The following UNC13C variants were observed in gnomAD, a reference collection of about 807,000 sequenced individuals.
The protein encoded by UNC13C is protein unc-13 homolog C.
Under a neutral mutation model 245.4 loss-of-function variants are expected in UNC13C, and 174 were observed. That is an observed-to-expected ratio of 0.71 (90% CI 0.63 to 0.80). The LOEUF (loss-of-function observed/expected upper bound fraction) is 0.80. UNC13C is among the 30% of genes least tolerant of loss of function. The probability of loss-of-function intolerance (pLI) is 0.00; values close to 1 mark genes in which losing one functional copy is unlikely to be tolerated. For synonymous variants in UNC13C, 992 were observed against 895.1 expected (o/e 1.11, Z -1.93); for missense variants, 2,829 against 2,602.9 (o/e 1.09, Z -1.89).
chr15:54,108,902 T>A (rs1044154801), intron 2 of UNC13C, among the ~76,000 whole-genome samples: 3 of 152,208 alleles, frequency 2.0e-5, no homozygotes, highest in African/African-American at 7.2e-5. Flanking sequence ...GAAGCATTCC[T>A]TGTAGTTGTT....
At chr15:54,367,186 C>A (rs986634555) in intron 17 of UNC13C, among the ~76,000 whole-genome samples, 4 of 152,082 alleles carry the variant, frequency 2.6e-5, no homozygotes, top group African/African-American at 9.7e-5. Flanking sequence ...AATATGCCAA[C>A]CCCTACACAC....
At chr15:54,099,513 T>C (rs1383693632) in intron 2 of UNC13C, among the ~76,000 whole-genome samples, 1 of 152,166 alleles carries the variant, frequency 6.6e-6, no homozygotes, top group Non-Finnish European at 1.5e-5. Context: ...TTAATTATCT[T>C]TTCCTTTTTC....
At chr15:54,423,513 A>T (rs185318178) in intron 19 of UNC13C, among the ~76,000 whole-genome samples, 4 of 151,954 alleles carry the variant, frequency 2.6e-5, no homozygotes, top group African/African-American at 7.2e-5. Flanking sequence ...AAATATACAT[A>T]AAAAATGTTA....
the UNC13C span, among the ~76,000 whole-genome samples, chr15:53,873,911 CCTTCCTTCCTTTCTTCCTTCCTT>C: frequency 1.4e-4 from 3 of 21,348 alleles, no homozygotes; most frequent in Admixed American, 5.0e-4. Context: ...TTCCTTCCTT[CCTTCCTTCCTTTCTTCCTTCCTT>C]CCTTCCTTCC....
chr15:54,606,306 G>A (rs1380377599), intron 30 of UNC13C, among the ~76,000 whole-genome samples: 2 of 152,174 alleles, frequency 1.3e-5, no homozygotes, highest in Non-Finnish European at 2.9e-5. Flanking sequence ...ACTTTGCAAA[G>A]CTTTGCAAGA....
chr15:54,525,673 A>C (rs1212056726), intron 25 of UNC13C, 36 bp downstream of exon 25: 1 of 1,534,878 alleles, frequency 6.5e-7, no homozygotes, highest in Non-Finnish European at 8.9e-7. Flanking sequence ...TAAATTAGAT[A>C]ATTAGGTGTC....
At chr15:54,449,365 A>C (rs1395806563) in intron 19 of UNC13C, among the ~76,000 whole-genome samples, 2 of 152,164 alleles carry the variant, frequency 1.3e-5, no homozygotes, top group Non-Finnish European at 1.5e-5. Context: ...TATCCTGCAC[A>C]GTGTTTTCCA....
At chr15:54,101,418 T>C (rs1180630697) in intron 2 of UNC13C, among the ~76,000 whole-genome samples, 1 of 152,222 alleles carries the variant, frequency 6.6e-6, no homozygotes, top group African/African-American at 2.4e-5. Flanking sequence ...TTCTCCATTG[T>C]TTATAGCTAC....
intron 17 of UNC13C, among the ~76,000 whole-genome samples, chr15:54,370,022 T>G (rs2140881031): frequency 6.6e-6 from 1 of 152,286 alleles, no homozygotes; most frequent in Middle Eastern, 3.4e-3. Context: ...TTGGTTGTAC[T>G]TAACAGTGTT....
At chr15:54,232,108 G>A (rs8030298) in intron 4 of UNC13C, among the ~76,000 whole-genome samples, 81,107 of 151,482 alleles carry the variant, frequency 0.54, 22,918 homozygotes, top group African/African-American at 0.72. Context: ...GTCATGGTTT[G>A]TGATAAAATT....
intron 30 of UNC13C, among the ~76,000 whole-genome samples, chr15:54,594,069 G>T (rs1898939451): frequency 1.3e-5 from 2 of 152,174 alleles, no homozygotes; most frequent in African/African-American, 4.8e-5. Flanking sequence ...CTTCCTGTGA[G>T]CCATACTGCA....
At chr15:53,931,866 A>C in the UNC13C span, among the ~76,000 whole-genome samples, 1 of 152,192 alleles carries the variant, frequency 6.6e-6, no homozygotes, top group East Asian at 1.9e-4. Context: ...TCAACGGTTC[A>C]TATCGTAGGC....
At chr15:54,550,155 C>G (rs934610106) in intron 28 of UNC13C, among the ~76,000 whole-genome samples, 10 of 152,134 alleles carry the variant, frequency 6.6e-5, no homozygotes, top group African/African-American at 2.4e-4. Flanking sequence ...CCCTGTTCCT[C>G]TAGCATAGGA....
downstream of UNC13C, chr15:54,631,493 C>T (rs1260994958): frequency 2.0e-5 from 3 of 152,180 alleles, no homozygotes; most frequent in Non-Finnish European, 4.4e-5. Flanking sequence ...TCCACGTTAC[C>T]ACTTTATAGA....
intron 4 of UNC13C, among the ~76,000 whole-genome samples, chr15:54,173,742 A>T (rs573487205): frequency 3.9e-5 from 6 of 152,208 alleles, no homozygotes; most frequent in African/African-American, 1.4e-4. Context: ...GCTCTCCAGT[A>T]AAGTGATAAA....
chr15:54,010,845 T>G (rs1895351533), intron 1 of UNC13C, among the ~76,000 whole-genome samples: 1 of 152,144 alleles, frequency 6.6e-6, no homozygotes, highest in Non-Finnish European at 1.5e-5. Flanking sequence ...GAATGACTCC[T>G]GGGTATATGC....
chr15:54,099,588 A>C (rs1408210246), intron 2 of UNC13C, among the ~76,000 whole-genome samples: 1 of 152,114 alleles, frequency 6.6e-6, no homozygotes, highest in Non-Finnish European at 1.5e-5. Flanking sequence ...AGGAAACTGG[A>C]AGCATTCAGA....
At chr15:54,418,259 A>T (rs570840490) in intron 19 of UNC13C, among the ~76,000 whole-genome samples, 2 of 152,296 alleles carry the variant, frequency 1.3e-5, no homozygotes, top group South Asian at 4.1e-4. Context: ...TGCTGCTTTT[A>T]TGAGATAAAA....
chr15:54,398,788 T>C (rs2040122287), intron 18 of UNC13C, among the ~76,000 whole-genome samples: 1 of 151,448 alleles, frequency 6.6e-6, no homozygotes, highest in Admixed American at 6.6e-5. Context: ...TTTATGTCTA[T>C]TAAATCTGAA....
Sources: gnomAD v4.1 joint callset for allele counts (sites outside exome capture counted in the v4.1 genomes callset) on GRCh38, gnomAD v4.1.1 for gene constraint, MANE v1.5 for transcripts, NCBI Gene and HGNC (gene_info 2026-07-23, HGNC 2026-07-21) for gene names.